The following CFTR variants were observed in gnomAD, a reference collection of about 807,000 sequenced individuals.
CFTR encodes cystic fibrosis transmembrane conductance regulator.
CFTR carries 181 observed loss-of-function variants against 171.6 expected under a neutral mutation model. The observed-to-expected ratio is 1.05, with a 90% CI of 0.93 to 1.19. CFTR has a LOEUF of 1.19. Among genes scored for constraint, CFTR ranks in the 50% most tolerant of loss-of-function variants. The pLI is 0.00. For synonymous variants in CFTR, 583 were observed against 608.0 expected (o/e 0.96, Z 0.60); for missense variants, 1,968 against 1,734.7 (o/e 1.13, Z -2.39).
At chr7:117,666,797 G>A in intron 26 of CFTR, 111 bp from the exon 27 acceptor site, 1 of 890,862 alleles carries the variant, frequency 1.1e-6, no homozygotes, top group East Asian at 2.5e-5. Context: ...GCAAGGCTCT[G>A]GACATTGCAT....
At chr7:117,596,202 T>C (rs553696590) in intron 15 of CFTR, among the ~76,000 whole-genome samples, 70 of 152,194 alleles carry the variant, frequency 4.6e-4, no homozygotes, top group African/African-American at 1.5e-3. Flanking sequence ...CAGCGCGAGT[T>C]CTGGGTGGGT....
intron 23 of CFTR, among the ~76,000 whole-genome samples, chr7:117,642,809 T>A (rs1056839374): frequency 6.6e-6 from 1 of 152,180 alleles, no homozygotes; most frequent in Non-Finnish European, 1.5e-5. Flanking sequence ...ATAGCTTTGA[T>A]AGTGTTTTTC....
rs1030725225 is a variant in CFTR, at chr7:117,590,406, T to C, written c.1733T>C (p.Leu578Pro). 6.2e-7 allele frequency: 1 copy of C among 1,603,212 alleles called. No individual in the cohort carries two copies. The highest frequency in any genetic ancestry group is 1.7e-4 in the Middle Eastern group (1 of 5,984). ...TTATTAGACTCTCCTTTTGGATACC[T>C]AGATGTTTTAACAGAAAAAGAAATA... ...LYLLDSPFGY[L>P]DVLTEKEIFE... Residue 578 changes from leucine to proline, a missense_variant, in exon 13 of 27, where the codon CTA becomes CCA. Leu to Pro is a moderately conservative substitution (Grantham distance 98). Coordinates refer to ENST00000003084, the MANE Select transcript of CFTR (RefSeq NM_000492.4).
chr7:117,559,783 T>C (rs1799430281), intron 11 of CFTR, 128 bp downstream of exon 11: 1 of 660,044 alleles, frequency 1.5e-6, no homozygotes, highest in Non-Finnish European at 2.7e-6. Flanking sequence ...GGTAAGCTAC[T>C]GTGAATGGAT....
chr7:117,658,682 G>GACTC (rs1032756060), intron 24 of CFTR, among the ~76,000 whole-genome samples: 2 of 152,082 alleles, frequency 1.3e-5, no homozygotes, highest in African/African-American at 4.8e-5. Context: ...CAAGACCTGG[G>GACTC]ACTCATCTTT....
intron 9 of CFTR, among the ~76,000 whole-genome samples, chr7:117,547,600 G>C (rs1293304435): frequency 2.6e-5 from 4 of 152,074 alleles, no homozygotes. Flanking sequence ...AGAATAGATA[G>C]GACATGTAGA....
In CFTR at chr7:117,592,136, A is replaced by G; in HGVS notation, c.1969A>G (p.Arg657Gly). 1 of 1,614,110 alleles carries G rather than the reference A, an allele frequency of 6.2e-7. No homozygotes were observed. The highest frequency in any genetic ancestry group is 1.1e-5 in the South Asian group (1 of 91,080). ...TTCTTTCGACCAATTTAGTGCAGAA[A>G]GAAGAAATTCAATCCTAACTGAGAC... ...CDSFDQFSAE[R>G]RNSILTETLH... The change falls in exon 14 of 27, where the codon AGA becomes GGA. Residue 657 changes from arginine to glycine, a missense_variant. Transcript: ENST00000003084.
chr7:117,517,745 C>A (rs1414928648), intron 3 of CFTR, among the ~76,000 whole-genome samples: 1 of 152,174 alleles, frequency 6.6e-6, no homozygotes, highest in Admixed American at 6.5e-5. Flanking sequence ...TAATGATCAC[C>A]ATTCTAACTG....
intron 22 of CFTR, among the ~76,000 whole-genome samples, chr7:117,633,335 G>A (rs1792778663): frequency 6.6e-6 from 1 of 152,000 alleles, no homozygotes; most frequent in Non-Finnish European, 1.5e-5. Context: ...ATAGGAAAAT[G>A]ATTTTTTTTG....
chr7:117,643,972 A>G (rs1341393285), intron 23 of CFTR, among the ~76,000 whole-genome samples: 1 of 152,182 alleles, frequency 6.6e-6, no homozygotes. Flanking sequence ...GAACGTATAT[A>G]TGCAAGACAT....
intron 21 of CFTR, among the ~76,000 whole-genome samples, chr7:117,626,895 A>G (rs1375136047): frequency 6.6e-6 from 1 of 152,124 alleles, no homozygotes; most frequent in Non-Finnish European, 1.5e-5. Context: ...GCAGATAAAT[A>G]TTTAATTTCA....
intron 22 of CFTR, among the ~76,000 whole-genome samples, chr7:117,638,207 C>A (rs1792855978): frequency 6.6e-6 from 1 of 152,132 alleles, no homozygotes; most frequent in African/African-American, 2.4e-5. Context: ...GCCCTGTGAC[C>A]TCACTTCTCT....
chr7:117,555,942 G>A (rs1799345497), intron 10 of CFTR, among the ~76,000 whole-genome samples: 1 of 152,030 alleles, frequency 6.6e-6, no homozygotes, highest in South Asian at 2.1e-4. Flanking sequence ...ACTATACAGT[G>A]GGTTGGCACC....
chr7:117,530,219 C>A (rs924175292), intron 3 of CFTR, among the ~76,000 whole-genome samples: 15 of 152,116 alleles, frequency 9.9e-5, no homozygotes, highest in Non-Finnish European at 2.9e-5. Context: ...TGGCAAAACT[C>A]CTTCCCCAAA....
chr7:117,513,312 T>A (rs1798550040), intron 3 of CFTR, among the ~76,000 whole-genome samples: 1 of 151,714 alleles, frequency 6.6e-6, no homozygotes, highest in South Asian at 2.1e-4. Context: ...AGGAAGAGAC[T>A]TGGGTAGCAA....
At position 117,621,177 on chromosome 7, in the gene CFTR, G is replaced by A. The variant is rs766715949; in HGVS notation, c.3469-6345G>A. 1.8e-4 allele frequency among the ~76,000 whole-genome samples: 28 copies of A among 152,260 alleles called. 1 individual carries two copies. Among genetic ancestry groups the A allele is most frequent in the Middle Eastern group, 6.8e-3 (2 of 294 alleles). The stretch of plus-strand genomic sequence containing the variant: ...AAGACCAGTGAAGTCAGTTCTCTTG[G>A]TAGGGGGCAGGGTGACTGAGCATGA... On this transcript the variant is annotated intron_variant, in intron 21 of 26. Coordinates refer to ENST00000003084, the MANE Select transcript of CFTR (RefSeq NM_000492.4).
In CFTR at chr7:117,480,159, G is replaced by A. The variant is rs769470402; in HGVS notation, c.53+12G>A. The A allele has an allele frequency of 1.7e-5, 28 of 1,613,740 alleles. No individual in the cohort carries two copies. The highest frequency in any genetic ancestry group is 2.4e-5 in the Non-Finnish European group (28 of 1,179,754). On this transcript the variant is annotated intron_variant, in intron 1 of 26. Coordinates refer to ENST00000003084, the MANE Select transcript of CFTR (RefSeq NM_000492.4). ...AAACTTTTTTTCAGGTGAGAAGGTG[G>A]CCAACCGAGCTTCGGAAAGACACGT...
intron 21 of CFTR, among the ~76,000 whole-genome samples, chr7:117,623,216 G>A (rs1251989887): frequency 6.6e-6 from 1 of 152,086 alleles, no homozygotes; most frequent in African/African-American, 2.4e-5. Context: ...TCATTGGTTG[G>A]GTCTCATTTT....
chr7:117,621,051 G>A (rs1282319460), intron 21 of CFTR, among the ~76,000 whole-genome samples: 1 of 152,160 alleles, frequency 6.6e-6, no homozygotes, highest in African/African-American at 2.4e-5. Flanking sequence ...GCAGGGAGCT[G>A]AGATAGCTCC....
Sources: gnomAD v4.1 joint callset for allele counts (sites outside exome capture counted in the v4.1 genomes callset) on GRCh38, gnomAD v4.1.1 for gene constraint, MANE v1.5 for transcripts, NCBI Gene and HGNC (gene_info 2026-07-23, HGNC 2026-07-21) for gene names.